The following EVC2 variants were observed in gnomAD, a reference collection of about 807,000 sequenced individuals.
EVC2 encodes the protein limbin.
In EVC2, 148 loss-of-function variants were observed where a neutral mutation model predicts 149.3. The ratio of observed to expected loss-of-function variants is 0.99; its 90% confidence interval spans 0.87 to 1.14. EVC2 has a LOEUF of 1.14. Ranked by LOEUF, EVC2 falls within the 50% of genes most tolerant of loss-of-function variation. EVC2 has a pLI of 0.00. For synonymous variants in EVC2, 776 were observed against 649.9 expected, an observed-to-expected ratio of 1.19 and a Z score of -2.95; for missense variants, 1,854 against 1,627.3, an observed-to-expected ratio of 1.14 and a Z score of -2.40.
the EVC2 span, among the ~76,000 whole-genome samples, chr4:5,536,712 A>C: frequency 0.062 from 9,390 of 151,844 alleles, 972 homozygotes; most frequent in African/African-American, 0.21. Context: ...TGAACCCAGG[A>C]GGTGGAGCTT....
chr4:5,630,798 C>T (rs962868469), intron 11 of EVC2, among the ~76,000 whole-genome samples: 1 of 152,150 alleles, frequency 6.6e-6, no homozygotes, highest in Admixed American at 6.5e-5. Flanking sequence ...GATGAGGCAG[C>T]CTGTCTAAAG....
At chr4:5,661,679 G>T (rs939607085) in intron 9 of EVC2, among the ~76,000 whole-genome samples, 3 of 152,282 alleles carry the variant, frequency 2.0e-5, no homozygotes, top group Admixed American at 6.5e-5. Context: ...GAACGACAAG[G>T]CCATGCTGAT....
chr4:5,597,454 C>A (rs1350934686), intron 16 of EVC2, among the ~76,000 whole-genome samples: 3 of 151,486 alleles, frequency 2.0e-5, no homozygotes, highest in Non-Finnish European at 4.4e-5. Flanking sequence ...TAAACAGAAC[C>A]AAAGACAAAA....
chr4:5,599,879 A>G (rs1031519288), intron 16 of EVC2, among the ~76,000 whole-genome samples: 2 of 152,212 alleles, frequency 1.3e-5, no homozygotes, highest in African/African-American at 2.4e-5. Context: ...TCAGGAGGAA[A>G]GTAGATTCAC....
At position 5,568,518 on chromosome 4, in the gene EVC2, C is replaced by T. The variant is rs374038474; in HGVS notation, c.3483G>A (p.Ser1161=). 87 of 1,593,034 alleles carry T rather than the reference C, an allele frequency of 5.5e-5. No homozygotes were observed. The highest frequency in any genetic ancestry group is 4.3e-4 in the African/African-American group (32 of 74,792). The part of the protein sequence containing the change: ...SQPQLLALLD[S]ATERHVDHAA... ...CGTGGTCCACATGTCTCTCGGTGGCCGAATCCAGCAGGGCCAGCAGCTGAG... is the reference window on the plus strand; with the variant it reads ...CGTGGTCCACATGTCTCTCGGTGGCTGAATCCAGCAGGGCCAGCAGCTGAG... Residue 1161 remains serine, a synonymous_variant, in exon 20 of 22, where the codon TCG becomes TCA. Transcript: ENST00000344408.
intron 11 of EVC2, 136 bp downstream of exon 11, chr4:5,631,657 C>T (rs1368908510): frequency 1.7e-5 from 21 of 1,251,358 alleles, no homozygotes; most frequent in Non-Finnish European, 2.3e-5. Context: ...TGGAAACTCA[C>T]ACACCAAGAG....
In EVC2 at chr4:5,657,368, C is replaced by T. The variant is rs368263364; in HGVS notation, c.1145+5739G>A. Reference sequence around the variant, plus strand: ...GACTCTGCCATCCTTCCTACCATGACAGATGATGGCCCAACTCCTCTCCAG... The same window carrying T: ...GACTCTGCCATCCTTCCTACCATGATAGATGATGGCCCAACTCCTCTCCAG... On this transcript the variant is annotated intron_variant, in intron 9 of 21. Transcript: ENST00000344408. This position sits in a 1 kb window ranked among gnomAD's most constrained non-coding sequence, Gnocchi z 4.7. 6.6e-6 allele frequency among the ~76,000 whole-genome samples: 1 copy of T among 152,102 alleles called. No homozygotes were observed. Among genetic ancestry groups the T allele is most frequent in the Non-Finnish European group, 1.5e-5 (1 of 68,026 alleles).
chr4:5,569,767 A>G lies in EVC2; in HGVS notation c.3361-1127T>C, dbSNP rs150358239. ...CAGGAGACACAAACACAGGGACTCGACCCCTTGGAAACATGGGGTCGCTGT... is the reference window on the plus strand; with the variant it reads ...CAGGAGACACAAACACAGGGACTCGGCCCCTTGGAAACATGGGGTCGCTGT... On this transcript the variant is annotated intron_variant, in intron 19 of 21. Coordinates refer to ENST00000344408, the MANE Select transcript of EVC2 (RefSeq NM_147127.5). This position sits in a 1 kb window ranked among gnomAD's most constrained non-coding sequence, Gnocchi z 4.8. 4.0e-5 allele frequency among the ~76,000 whole-genome samples: 6 copies of G among 151,562 alleles called. No homozygotes were observed. The East Asian group carries it at 1.2e-3, about 30-fold the overall frequency.
chr4:5,620,653 C>T (rs967692843), intron 14 of EVC2, among the ~76,000 whole-genome samples: 1 of 152,292 alleles, frequency 6.6e-6, no homozygotes, highest in East Asian at 1.9e-4. Flanking sequence ...ACTCACATTG[C>T]GTACACTGTG....
intron 16 of EVC2, among the ~76,000 whole-genome samples, chr4:5,585,479 G>A (rs377657397): frequency 6.6e-6 from 1 of 152,096 alleles, no homozygotes; most frequent in Non-Finnish European, 1.5e-5. Flanking sequence ...GGTGCCCAGG[G>A]TTTACTTGAC....
At chr4:5,638,662 G>C (rs1287722771) in intron 10 of EVC2, among the ~76,000 whole-genome samples, 4 of 151,988 alleles carry the variant, frequency 2.6e-5, no homozygotes, top group Non-Finnish European at 4.4e-5. Flanking sequence ...TTAGAATAAG[G>C]GTCTTTCCAC....
At chr4:5,605,685 G>C (rs777983520) in intron 16 of EVC2, among the ~76,000 whole-genome samples, 1 of 152,226 alleles carries the variant, frequency 6.6e-6, no homozygotes, top group Non-Finnish European at 1.5e-5. Context: ...AGAAGGGCTT[G>C]GCCAGGAGGC....
At chr4:5,558,314 G>A (rs1721876247), downstream of EVC2, among the ~76,000 whole-genome samples, 1 of 152,136 alleles carries the variant, frequency 6.6e-6, no homozygotes, top group African/African-American at 2.4e-5. Context: ...TCTAGAAAAG[G>A]CAAAACTATA....
chr4:5,666,400 G>A (rs1307252206), intron 7 of EVC2, among the ~76,000 whole-genome samples: 3 of 152,184 alleles, frequency 2.0e-5, no homozygotes, highest in Non-Finnish European at 2.9e-5. Flanking sequence ...TCAAAGGAGT[G>A]TGTTCCTAAT....
chr4:5,677,500 C>T lies in EVC2; in HGVS notation c.870+3760G>A, dbSNP rs987113759. On this transcript the variant is annotated intron_variant, in intron 7 of 21. Transcript: ENST00000344408. This position sits in a 1 kb window ranked among gnomAD's most constrained non-coding sequence, Gnocchi z 4.3. ...GCCAGGACTTGCATCCACAGGTCTG[C>T]ATCCCAGGGGGCAACTATTCCTCTT... 3.9e-5 allele frequency among the ~76,000 whole-genome samples: 6 copies of T among 152,232 alleles called. No homozygotes were observed. The highest frequency in any genetic ancestry group is 2.1e-4 in the South Asian group (1 of 4,836).
chr4:5,562,354 A>C, downstream of EVC2: 1 of 775,550 alleles, frequency 1.3e-6, no homozygotes, highest in Non-Finnish European at 1.6e-6. This position sits in a 1 kb window ranked among gnomAD's most constrained non-coding sequence, Gnocchi z 4.3. Flanking sequence ...TCTCTATTGA[A>C]CACCACACAG....
At chr4:5,559,991 C>T (rs1721908492), downstream of EVC2, among the ~76,000 whole-genome samples, 3 of 152,156 alleles carry the variant, frequency 2.0e-5, no homozygotes, top group South Asian at 6.2e-4. The surrounding 1 kb of genome is among the most constrained non-coding windows in gnomAD (Gnocchi z 5.0). Flanking sequence ...TGACCCCTGC[C>T]AGGTTTGACC....
Position 5,595,403 on chromosome 4 carries a change from G to T in EVC2, c.2830-10553C>A, listed in dbSNP as rs556645821. On this transcript the variant is annotated intron_variant, in intron 16 of 21. Coordinates refer to ENST00000344408, the MANE Select transcript of EVC2 (RefSeq NM_147127.5). ...AACTCTACAAGCCAGAAGAGAGTGGGGGCCAATATTCAACATTCTTAAAGA... is the reference window on the plus strand; with the variant it reads ...AACTCTACAAGCCAGAAGAGAGTGGTGGCCAATATTCAACATTCTTAAAGA... Among the ~76,000 whole-genome samples, 6 of 152,256 alleles carry T rather than the reference G, an allele frequency of 3.9e-5. No homozygotes were observed. The East Asian group carries it at 1.2e-3, about 29-fold the overall frequency.
chr4:5,589,888 A>G (rs6841202), intron 16 of EVC2, among the ~76,000 whole-genome samples: 101,691 of 152,022 alleles, frequency 0.67, 34,271 homozygotes, highest in East Asian at 0.86. Flanking sequence ...TTTAACAAAT[A>G]TTGCCGTTGT....
Sources: gnomAD v4.1 joint callset for allele counts (sites outside exome capture counted in the v4.1 genomes callset) on GRCh38, gnomAD v4.1.1 for gene constraint, Gnocchi (gnomAD v3.1) non-coding constraint, MANE v1.5 for transcripts, NCBI Gene and HGNC (gene_info 2026-07-23, HGNC 2026-07-21) for gene names.